Variants in RAPGEF2 observed in about 807,000 individuals in gnomAD.
The protein encoded by RAPGEF2 is PDZ domain containing guanine nucleotide exchange factor (GEF) 1.
In RAPGEF2, 54 loss-of-function variants were observed where a neutral mutation model predicts 186.7. That is an observed-to-expected ratio of 0.29 (90% CI 0.23 to 0.36). The LOEUF (loss-of-function observed/expected upper bound fraction) is 0.36, where lower values mean the gene tolerates loss of function less well. RAPGEF2 is among the 10% of genes least tolerant of loss of function. The pLI is 1.00. For missense variants in RAPGEF2, 1,532 were observed against 2,045.0 expected (o/e 0.75, Z 4.84); for synonymous variants, 712 against 705.9 (o/e 1.01, Z -0.14).
chr4:159,214,724 A>G (rs1048992269), intron 4 of RAPGEF2, among the ~76,000 whole-genome samples: 2 of 152,214 alleles, frequency 1.3e-5, no homozygotes, highest in African/African-American at 2.4e-5. Context: ...ATGTGTATCT[A>G]GCTCTTTAGA....
At chr4:159,213,408 A>G (rs1372025640) in intron 4 of RAPGEF2, among the ~76,000 whole-genome samples, 1 of 152,264 alleles carries the variant, frequency 6.6e-6, no homozygotes, top group East Asian at 1.9e-4. Context: ...ATTGGTTATC[A>G]GTATATAATA....
Position 159,330,388 on chromosome 4 carries a change from C to G in RAPGEF2, c.1357C>G (p.Pro453Ala). 2.5e-6 allele frequency: 4 copies of G among 1,602,096 alleles called. No individual in the cohort carries two copies. The highest frequency in any genetic ancestry group is 3.4e-6 in the Non-Finnish European group (4 of 1,176,822). ...GGTGGAAGAGCATTCAGTAGTAGAT[C>G]CAACATTCATAGAAGACTTTCTGTT... ...HLVEEHSVVD[P>A]TFIEDFLLTY... The change falls in exon 13 of 30, where the codon CCA (proline) becomes GCA (alanine). Residue 453 changes from proline (P) to alanine (A), a missense_variant. Physicochemically the swap from Pro to Ala is conservative, Grantham distance 27. Around this residue, in one of 4 missense-constraint regions of RAPGEF2, gnomAD observed 810 missense variants for 1,210.5 expected, o/e 0.67. Coordinates refer to ENST00000691494, the MANE Select transcript of RAPGEF2 (RefSeq NM_001394067.2).
At chr4:159,226,201 A>G (rs867783137) in intron 4 of RAPGEF2, among the ~76,000 whole-genome samples, 1 of 152,164 alleles carries the variant, frequency 6.6e-6, no homozygotes, top group Admixed American at 6.5e-5. Context: ...CTTCCTACAG[A>G]TATTCAGTTG....
Position 159,359,866 on chromosome 4 carries a change from T to C in RAPGEF2, c.*1727T>C, listed in dbSNP as rs1038997400. 3 of 152,226 alleles carry C rather than the reference T, an allele frequency of 2.0e-5. No homozygotes were observed. Among genetic ancestry groups the C allele is most frequent in the South Asian group, 2.1e-4 (1 of 4,832 alleles). The allele number at this position is 152,226 out of a possible 1,614,324, so 9.4% of individuals were successfully genotyped here. A position where few individuals can be genotyped will look rare whatever the true frequency, so the allele number is the denominator to read the frequency against. ...TCTACCACAAGTTGCACAAATGTTA[T>C]CTAAGCATTAAGTAATTGTAGAACA... On this transcript the variant is annotated 3_prime_UTR_variant, in exon 30 of 30. Coordinates refer to ENST00000691494, the MANE Select transcript of RAPGEF2 (RefSeq NM_001394067.2).
At chr4:159,281,973 A>G (rs1056098309) in intron 7 of RAPGEF2, among the ~76,000 whole-genome samples, 1 of 151,976 alleles carries the variant, frequency 6.6e-6, no homozygotes, top group African/African-American at 2.4e-5. Flanking sequence ...TTGGAACCCA[A>G]CTCTTCTCTG....
chr4:159,336,050 A>G (rs141131701), intron 17 of RAPGEF2, among the ~76,000 whole-genome samples: 3 of 152,272 alleles, frequency 2.0e-5, no homozygotes, highest in African/African-American at 4.8e-5. Context: ...TCTTTTACAG[A>G]ATATTAACAC....
At chr4:159,220,375 G>C (rs1751417504) in intron 4 of RAPGEF2, among the ~76,000 whole-genome samples, 5 of 152,100 alleles carry the variant, frequency 3.3e-5, no homozygotes, top group Non-Finnish European at 7.4e-5. Flanking sequence ...GGGGTGGGAT[G>C]GGGTGGGGGA....
chr4:159,339,396 C>T (rs1453654192), intron 19 of RAPGEF2, 42 bp downstream of exon 19: 4 of 1,582,580 alleles, frequency 2.5e-6, no homozygotes, highest in Non-Finnish European at 3.4e-6. Flanking sequence ...GTCCCCTCTT[C>T]GAACCCACAT....
chr4:159,347,439 A>G (rs1418107529), intron 25 of RAPGEF2, among the ~76,000 whole-genome samples: 1 of 152,254 alleles, frequency 6.6e-6, no homozygotes, highest in Non-Finnish European at 1.5e-5. Context: ...AAAATAAAAC[A>G]ACTAACTCCT....
At chr4:159,312,886 G>GC (rs776669608) in intron 8 of RAPGEF2, among the ~76,000 whole-genome samples, 64 of 152,178 alleles carry the variant, frequency 4.2e-4, no homozygotes, top group Admixed American at 1.1e-3. Flanking sequence ...GGTGGCTCAT[G>GC]CCTGTAATCA....
chr4:159,192,956 A>G (rs140500619), intron 2 of RAPGEF2, among the ~76,000 whole-genome samples: 149 of 152,350 alleles, frequency 9.8e-4, no homozygotes, highest in African/African-American at 3.5e-3. Flanking sequence ...TCCCCATAAA[A>G]TAAACATGGT....
At chr4:159,140,214 GAA>G in intron 1 of RAPGEF2, among the ~76,000 whole-genome samples, 1 of 152,176 alleles carries the variant, frequency 6.6e-6, no homozygotes, top group Non-Finnish European at 1.5e-5. Flanking sequence ...ATTTTGGGTA[GAA>G]ATAGTTTTAG....
chr4:159,346,329 G>C (rs1227850918), intron 24 of RAPGEF2, among the ~76,000 whole-genome samples: 1 of 152,110 alleles, frequency 6.6e-6, no homozygotes, highest in Non-Finnish European at 1.5e-5. Context: ...TACCTCCTAG[G>C]AATATGGTAG....
At chr4:159,207,322 A>G (rs1020737630) in intron 3 of RAPGEF2, among the ~76,000 whole-genome samples, 7 of 152,256 alleles carry the variant, frequency 4.6e-5, no homozygotes, top group African/African-American at 1.4e-4. Context: ...TCACTGCCAC[A>G]GTATTTTACC....
intron 1 of RAPGEF2, among the ~76,000 whole-genome samples, chr4:159,171,970 A>G (rs1168200709): frequency 6.6e-6 from 1 of 152,124 alleles, no homozygotes; most frequent in Non-Finnish European, 1.5e-5. Flanking sequence ...TGTTAAGGAT[A>G]TTAGATAAAA....
At position 159,224,888 on chromosome 4, in the gene RAPGEF2, G is replaced by A. The variant is rs910366664; in HGVS notation, c.282-13921G>A. ...GGCTAATTGGTGGAATTTAGTGACT[G>A]AAGGTTCAGACAAGGGAAGAAAAAA... On this transcript the variant is annotated intron_variant, in intron 4 of 29. Coordinates refer to ENST00000691494, the MANE Select transcript of RAPGEF2 (RefSeq NM_001394067.2). Among the ~76,000 whole-genome samples the A allele has an allele frequency of 2.6e-5, 4 of 152,156 alleles. No individual in the cohort carries two copies. In the South Asian group the frequency reaches 6.2e-4, roughly 24 times the overall value.
intron 1 of RAPGEF2, among the ~76,000 whole-genome samples, chr4:159,168,365 A>T (rs1320501837): frequency 6.6e-6 from 1 of 152,158 alleles, no homozygotes; most frequent in African/African-American, 2.4e-5. Flanking sequence ...CTATGCGTGC[A>T]TTTGATAGCC....
chr4:159,178,810 C>T (rs566557638), intron 1 of RAPGEF2, among the ~76,000 whole-genome samples: 21 of 152,184 alleles, frequency 1.4e-4, no homozygotes, highest in African/African-American at 4.8e-4. Context: ...TCACCCGCCT[C>T]GGCTTCCCAA....
intron 1 of RAPGEF2, among the ~76,000 whole-genome samples, chr4:159,184,782 A>G (rs977582972): frequency 1.3e-5 from 2 of 152,092 alleles, no homozygotes; most frequent in African/African-American, 2.4e-5. Flanking sequence ...TTTTGTTGCC[A>G]TTGCTTTTGG....
Sources: gnomAD v4.1 joint callset for allele counts (sites outside exome capture counted in the v4.1 genomes callset) on GRCh38, gnomAD v4.1.1 for gene constraint, gnomAD v4.1.1 regional missense constraint, MANE v1.5 for transcripts, NCBI Gene and HGNC (gene_info 2026-07-23, HGNC 2026-07-21) for gene names.